The following FAM89A variants were observed in gnomAD, a reference collection of about 807,000 sequenced individuals.
FAM89A encodes family with sequence similarity 89 member A, also known as protein FAM89A.
FAM89A carries 10 observed loss-of-function variants against 7.1 expected under a neutral mutation model. The ratio of observed to expected loss-of-function variants is 1.40; its 90% CI spans 0.86 to 2.38. FAM89A has a LOEUF of 2.38. Among genes scored for constraint, FAM89A ranks in the 30% most tolerant of loss-of-function variants. FAM89A has a pLI of 0.00. For synonymous variants in FAM89A, 157 were observed against 129.3 expected, an observed-to-expected ratio of 1.21 and a Z score of -1.45; for missense variants, 276 against 262.8, an observed-to-expected ratio of 1.05 and a Z score of -0.35.
rs768041852 is a variant in FAM89A, at chr1:231,028,046, T to C, written c.292-7920A>G. On this transcript the variant is annotated intron_variant, in intron 1 of 1. Coordinates refer to ENST00000366654, the MANE Select transcript of FAM89A (RefSeq NM_198552.3). ...AAACTCAGAGCAGACAGGCAGATATTTGGTGAATCAGTGAAAACGCCTGGC... is the reference window on the plus strand; with the variant it reads ...AAACTCAGAGCAGACAGGCAGATATCTGGTGAATCAGTGAAAACGCCTGGC... Among the ~76,000 whole-genome samples, 50 of 152,288 alleles carry C rather than the reference T, an allele frequency of 3.3e-4. 2 individuals are homozygous for C. Among genetic ancestry groups the C allele is most frequent in the Non-Finnish European group, 5.3e-4 (36 of 68,016 alleles).
chr1:231,034,870 C>A (rs1480606077), intron 1 of FAM89A, among the ~76,000 whole-genome samples: 1 of 151,966 alleles, frequency 6.6e-6, no homozygotes, highest in African/African-American at 2.4e-5. Context: ...GGGCAAGCAG[C>A]CTAGGAGATT....
intron 1 of FAM89A, among the ~76,000 whole-genome samples, chr1:231,027,341 G>A (rs1207094036): frequency 1.3e-5 from 2 of 152,180 alleles, no homozygotes; most frequent in East Asian, 3.9e-4. Context: ...CACTGGCCTA[G>A]AAAGGAATCC....
intron 1 of FAM89A, among the ~76,000 whole-genome samples, chr1:231,021,242 C>T (rs1352736435): frequency 3.3e-5 from 5 of 152,244 alleles, no homozygotes; most frequent in African/African-American, 1.2e-4. Context: ...CCTTCATCTC[C>T]GTGCCTTGGT....
intron 1 of FAM89A, among the ~76,000 whole-genome samples, chr1:231,035,499 G>A (rs1480197529): frequency 6.6e-6 from 1 of 152,154 alleles, no homozygotes; most frequent in African/African-American, 2.4e-5. Flanking sequence ...TGCCCCCAGG[G>A]CTGAAGGTCT....
rs955816746 is a variant in FAM89A, at chr1:231,040,143, C to A, written c.69G>T (p.Gly23=). Residue 23 remains glycine, a synonymous_variant, in exon 1 of 2, where the codon GGG becomes GGT. Transcript: ENST00000366654. ...NGAVRGLRVD[G]LPPLPKSLSG... Reference sequence around the variant, plus strand: ...TCAAGCTCTTTGGCAGCGGGGGCAGCCCGTCCACCCGCAGCCCCCGGACCG... The same window carrying A: ...TCAAGCTCTTTGGCAGCGGGGGCAGACCGTCCACCCGCAGCCCCCGGACCG... The A allele has an allele frequency of 3.8e-6, 5 of 1,329,036 alleles. No homozygotes were observed. The African/African-American group carries it at 7.6e-5, about 20-fold the overall frequency. The allele number at this position is 1,329,036 out of a possible 1,614,324, so 82.3% of individuals were successfully genotyped here. A position where few individuals can be genotyped will look rare whatever the true frequency, so the allele number is the denominator to read the frequency against.
chr1:231,023,365 A>G (rs1679913020), intron 1 of FAM89A, among the ~76,000 whole-genome samples: 1 of 152,228 alleles, frequency 6.6e-6, no homozygotes, highest in Non-Finnish European at 1.5e-5. Flanking sequence ...GCTCAGGGGC[A>G]GCAAAGTGGC....
chr1:231,023,708 T>C (rs1395057414), intron 1 of FAM89A, among the ~76,000 whole-genome samples: 1 of 152,224 alleles, frequency 6.6e-6, no homozygotes, highest in Admixed American at 6.5e-5. Context: ...TCCAGTTAGT[T>C]TGAATGAAAA....
At chr1:231,034,303 A>G (rs1042013346) in intron 1 of FAM89A, among the ~76,000 whole-genome samples, 6 of 152,260 alleles carry the variant, frequency 3.9e-5, no homozygotes, top group African/African-American at 1.4e-4. Flanking sequence ...GGTAAAGAAT[A>G]CTGCCATGGC....
chr1:231,024,669 T>C (rs1476212407), intron 1 of FAM89A, among the ~76,000 whole-genome samples: 1 of 152,018 alleles, frequency 6.6e-6, no homozygotes, highest in Non-Finnish European at 1.5e-5. Context: ...CCCATGCTGC[T>C]GGGACTACAG....
At chr1:231,035,905 A>G (rs1680150666) in intron 1 of FAM89A, among the ~76,000 whole-genome samples, 1 of 152,214 alleles carries the variant, frequency 6.6e-6, no homozygotes, top group Non-Finnish European at 1.5e-5. Context: ...TTATTAAAAT[A>G]CAATCTTGTC....
chr1:231,033,524 G>A (rs1244544039), intron 1 of FAM89A, among the ~76,000 whole-genome samples: 2 of 152,164 alleles, frequency 1.3e-5, no homozygotes. Flanking sequence ...AGCCATGTCG[G>A]TGAGACCAGG....
intron 1 of FAM89A, among the ~76,000 whole-genome samples, chr1:231,030,927 T>C (rs894834218): frequency 6.6e-6 from 1 of 152,120 alleles, no homozygotes; most frequent in African/African-American, 2.4e-5. Context: ...CTGGACAACA[T>C]GGCAAAACTC....
chr1:231,040,204 C>T lies in FAM89A; in HGVS notation c.8G>A (p.Gly3Glu). Residue 3 changes from glycine to glutamate, a missense_variant, in exon 1 of 2, where the codon GGG becomes GAG. Transcript: ENST00000366654. ...CGCGGCCCCGGGCGCCGCCCGGGCCCCACTCATCGCGCCGCGGCCCGGCCA... is the reference window on the plus strand; with the variant it reads ...CGCGGCCCCGGGCGCCGCCCGGGCCTCACTCATCGCGCCGCGGCCCGGCCA... MS[G>E]ARAAPGAAGN... The T allele has an allele frequency of 9.2e-7, 1 of 1,081,878 alleles. No homozygotes were observed. The highest frequency in any genetic ancestry group is 1.1e-6 in the Non-Finnish European group (1 of 894,708). 67.0% of individuals were successfully genotyped at this position (1,081,878 alleles called of 1,614,324 possible). A position where few individuals can be genotyped will look rare whatever the true frequency, so the allele number is the denominator to read the frequency against.
intron 1 of FAM89A, among the ~76,000 whole-genome samples, chr1:231,031,499 T>C (rs150573750): frequency 2.6e-5 from 4 of 152,320 alleles, no homozygotes; most frequent in African/African-American, 9.6e-5. Context: ...CAATAAATTA[T>C]GCAGGATCTT....
chr1:231,021,894 GTGACGATGAGTTGT>G, intron 1 of FAM89A: 12 of 1,563,976 alleles, frequency 7.7e-6, no homozygotes, highest in Non-Finnish European at 1.1e-5. Flanking sequence ...ATGGTGAGCA[GTGACGATGAGTTGT>G]TGTCCAGGGA....
chr1:231,035,629 G>T (rs189088043), intron 1 of FAM89A, among the ~76,000 whole-genome samples: 1 of 152,102 alleles, frequency 6.6e-6, no homozygotes, highest in Non-Finnish European at 1.5e-5. Context: ...TGTGTGCCAG[G>T]GGTCCCAGCT....
chr1:231,023,511 A>T (rs1207207236), intron 1 of FAM89A, among the ~76,000 whole-genome samples: 1 of 152,214 alleles, frequency 6.6e-6, no homozygotes, highest in Non-Finnish European at 1.5e-5. Context: ...CGTGTGAAAC[A>T]TCTTCAGGGT....
chr1:231,029,172 T>C (rs191258609), intron 1 of FAM89A, among the ~76,000 whole-genome samples: 34 of 152,096 alleles, frequency 2.2e-4, no homozygotes, highest in African/African-American at 6.5e-4. Context: ...TCATGAAAAA[T>C]GTTAAGATTT....
intron 1 of FAM89A, among the ~76,000 whole-genome samples, chr1:231,029,952 C>T (rs1197742967): frequency 6.6e-6 from 1 of 152,214 alleles, no homozygotes; most frequent in Non-Finnish European, 1.5e-5. Flanking sequence ...GATATGTTGA[C>T]TGAAGGATGC....
Sources: gnomAD v4.1 joint callset for allele counts (sites outside exome capture counted in the v4.1 genomes callset) on GRCh38, gnomAD v4.1.1 for gene constraint, MANE v1.5 for transcripts, NCBI Gene and HGNC (gene_info 2026-07-23, HGNC 2026-07-21) for gene names.